TIAM2: variants seen among roughly 807,000 people sequenced by gnomAD.
TIAM2 encodes TIAM Rac1 associated GEF 2.
In TIAM2, 80 loss-of-function variants were observed where a neutral mutation model predicts 152.9. The ratio of observed to expected loss-of-function variants is 0.52; its 90% CI spans 0.44 to 0.63. The LOEUF (loss-of-function observed/expected upper bound fraction) is 0.63. Among genes scored for constraint, TIAM2 ranks in the 30% least tolerant of loss-of-function variants. TIAM2 has a pLI of 0.00. For missense variants in TIAM2, 1,965 were observed against 2,120.1 expected, an observed-to-expected ratio of 0.93 and a Z score of 1.44; for synonymous variants, 804 against 838.0, an observed-to-expected ratio of 0.96 and a Z score of 0.70.
chr6:155,082,792 A>G (rs941934092), intron 1 of TIAM2, among the ~76,000 whole-genome samples: 1 of 151,966 alleles, frequency 6.6e-6, no homozygotes, highest in Non-Finnish European at 1.5e-5. Flanking sequence ...AAAGTAGGGT[A>G]TTTTGCCTAT....
intron 1 of TIAM2, among the ~76,000 whole-genome samples, chr6:155,036,720 C>A (rs1024700956): frequency 1.3e-5 from 2 of 151,486 alleles, no homozygotes; most frequent in African/African-American, 4.8e-5. Flanking sequence ...CAGGTTCAAG[C>A]GATTCTCCTG....
At chr6:155,208,975 C>T (rs533981989) in intron 14 of TIAM2, among the ~76,000 whole-genome samples, 11 of 152,106 alleles carry the variant, frequency 7.2e-5, no homozygotes, top group East Asian at 3.9e-4. Context: ...CCCCTCTCCC[C>T]GCTGCCCACC....
At chr6:155,244,183 A>G in intron 17 of TIAM2, 104 bp downstream of exon 17, 1 of 1,127,152 alleles carries the variant, frequency 8.9e-7, no homozygotes, top group African/African-American at 1.5e-5. Context: ...CCAAAAGAAC[A>G]TCCCAAGACT....
intron 2 of TIAM2, among the ~76,000 whole-genome samples, chr6:155,112,600 T>G (rs1403073681): frequency 1.3e-5 from 2 of 152,140 alleles, no homozygotes; most frequent in Non-Finnish European, 2.9e-5. Flanking sequence ...AATACCATCT[T>G]TGTGTGGGTG....
At chr6:155,248,287 C>T in intron 20 of TIAM2, 108 bp downstream of exon 20, 2 of 1,291,808 alleles carry the variant, frequency 1.5e-6, no homozygotes, top group African/African-American at 1.5e-5. Context: ...AGTGGCACGT[C>T]CTAAGTCACT....
Position 155,257,187 on chromosome 6 carries a change from TTGC to T in TIAM2, c.*67_*69del. The T allele has an allele frequency of 9.7e-7, 1 of 1,036,028 alleles. No homozygotes were observed. Among genetic ancestry groups the T allele is most frequent in the Non-Finnish European group, 1.3e-6 (1 of 781,690 alleles). 64.2% of individuals were successfully genotyped at this position (1,036,028 alleles called of 1,614,324 possible). ...TTTTAAACTGGTGGTAAAGTGGAAA[TTGC>T]AAAAAAAAAAAAAAAAAAAAACTGT... On this transcript the variant is annotated 3_prime_UTR_variant, in exon 27 of 27. Transcript: ENST00000682666.
At position 155,130,306 on chromosome 6, in the gene TIAM2, G is replaced by T; in HGVS notation, c.1083G>T (p.Arg361=). 3 of 1,614,158 alleles carry T rather than the reference G, an allele frequency of 1.9e-6. No individual in the cohort carries two copies. Among genetic ancestry groups the T allele is most frequent in the Non-Finnish European group, 2.5e-6 (3 of 1,180,036 alleles). ...ACAGTTCCTTCACTCTCCCCTGTCG[G>T]AAGCCCAAAGCCTTTGTTGAGGATA... The part of the protein sequence containing the change: ...IQYSSFTLPC[R]KPKAFVEDTA... Residue 361 remains arginine (R), a synonymous_variant, in exon 4 of 27, where the codon CGG becomes CGT. Transcript: ENST00000682666.
At position 155,090,358 on chromosome 6, in the gene TIAM2, T is replaced by G. The variant is rs1778273550; in HGVS notation, c.-139T>G. The G allele has an allele frequency of 6.6e-6, 1 of 152,250 alleles. No homozygotes were observed. 9.4% of individuals were successfully genotyped at this position (152,250 alleles called of 1,614,324 possible). ...TGGATGAATGAATGATTACACTAAGTGTCCTCCACATTCCTCTGTGGGTAA... is the reference window on the plus strand; with the variant it reads ...TGGATGAATGAATGATTACACTAAGGGTCCTCCACATTCCTCTGTGGGTAA... On this transcript the variant is annotated 5_prime_UTR_variant, in exon 2 of 27. Transcript: ENST00000682666.
chr6:155,176,453 C>T (rs188503294), intron 9 of TIAM2, among the ~76,000 whole-genome samples: 261 of 152,302 alleles, frequency 1.7e-3, no homozygotes, highest in African/African-American at 5.2e-3. Context: ...AGGCTGGTCT[C>T]GAACTCCTGA....
chr6:155,114,054 T>A lies in TIAM2; in HGVS notation c.-117-13436T>A, dbSNP rs1413148250. ...TATATATATTTTTTTTTTTTTCTTT[T>A]TTTTTTTTTTTTTTTTTGAAATGGA... On this transcript the variant is annotated intron_variant, in intron 2 of 26. Coordinates refer to ENST00000682666, the MANE Select transcript of TIAM2 (RefSeq NM_012454.4). 6.7e-3 allele frequency among the ~76,000 whole-genome samples: 640 copies of A among 95,964 alleles called. 6 individuals carry two copies. Among genetic ancestry groups the A allele is most frequent in the Non-Finnish European group, 9.7e-3 (463 of 47,686 alleles). 63.0% of individuals were successfully genotyped at this position (95,964 alleles called of 152,430 possible).
At chr6:155,179,339 C>T (rs1397823698) in intron 11 of TIAM2, 39 bp from the exon 12 acceptor site, 1 of 1,597,664 alleles carries the variant, frequency 6.3e-7, no homozygotes. Context: ...GGTATCATAA[C>T]ATGAGATCCT....
chr6:155,018,021 A>G (rs1778627363), intron 1 of TIAM2, among the ~76,000 whole-genome samples: 1 of 152,078 alleles, frequency 6.6e-6, no homozygotes, highest in Admixed American at 6.6e-5. Context: ...AAATATCCCA[A>G]TACGATTTTT....
At chr6:155,021,458 C>T (rs1027303961) in intron 1 of TIAM2, among the ~76,000 whole-genome samples, 1 of 152,068 alleles carries the variant, frequency 6.6e-6, no homozygotes, top group African/African-American at 2.4e-5. Context: ...GACGGGGTTT[C>T]GCCATGTTGG....
intron 10 of TIAM2, among the ~76,000 whole-genome samples, chr6:155,178,103 T>G (rs1780798110): frequency 6.7e-6 from 1 of 149,470 alleles, no homozygotes; most frequent in Non-Finnish European, 1.5e-5. Context: ...GGAGCTTGCC[T>G]TAAGCCGAGA....
intron 1 of TIAM2, among the ~76,000 whole-genome samples, chr6:155,041,262 GT>G (rs934305616): frequency 2.0e-5 from 3 of 152,246 alleles, no homozygotes; most frequent in African/African-American, 4.8e-5. Flanking sequence ...AAAGATTTTT[GT>G]TTTTTCCCCC....
intron 9 of TIAM2, among the ~76,000 whole-genome samples, chr6:155,172,680 ATATATATTTTTTTTTTTTTTT>A (rs1780648730): frequency 7.2e-5 from 1 of 13,834 alleles, no homozygotes; most frequent in East Asian, 3.0e-3. Flanking sequence ...ATATATATAT[ATATATATTTTTTTTTTTTTTT>A]TTTTTTTTTT....
intron 5 of TIAM2, among the ~76,000 whole-genome samples, chr6:155,139,811 G>T (rs565107105): frequency 1.2e-4 from 18 of 152,224 alleles, no homozygotes; most frequent in African/African-American, 4.3e-4. Context: ...ATGATGGCAG[G>T]TTCCTGTAAT....
At chr6:155,142,022 A>G (rs996544655) in intron 5 of TIAM2, among the ~76,000 whole-genome samples, 13 of 152,156 alleles carry the variant, frequency 8.5e-5, no homozygotes, top group Middle Eastern at 6.8e-3. Context: ...GGGACTGGAC[A>G]GGGCTGGGGG....
At chr6:155,122,534 T>TG (rs2115025545) in intron 2 of TIAM2, among the ~76,000 whole-genome samples, 1 of 152,142 alleles carries the variant, frequency 6.6e-6, no homozygotes, top group African/African-American at 2.4e-5. Context: ...ATTTTTTTTT[T>TG]TTGTTCTAGG....
Sources: gnomAD v4.1 joint callset for allele counts (sites outside exome capture counted in the v4.1 genomes callset) on GRCh38, gnomAD v4.1.1 for gene constraint, MANE v1.5 for transcripts, NCBI Gene and HGNC (gene_info 2026-07-23, HGNC 2026-07-21) for gene names.